ORC3: variants seen among roughly 807,000 people sequenced by gnomAD.
The protein encoded by ORC3 is origin recognition complex subunit 3, also known as homolog of latheo, Drosophila.
ORC3 carries 78 observed loss-of-function variants against 100.7 expected under a neutral mutation model. The ratio of observed to expected loss-of-function variants is 0.77; its 90% CI spans 0.65 to 0.94. ORC3 has a LOEUF of 0.94. Among genes scored for constraint, ORC3 ranks in the 40% least tolerant of loss-of-function variants. The pLI, the probability that ORC3 is intolerant of heterozygous loss-of-function variation, is 0.00. For synonymous variants in ORC3, 295 were observed against 289.3 expected (o/e 1.02, Z -0.20); for missense variants, 789 against 823.9 (o/e 0.96, Z 0.52).
chr6:87,640,241 T>C (rs948025931), intron 13 of ORC3, among the ~76,000 whole-genome samples: 3 of 152,208 alleles, frequency 2.0e-5, no homozygotes, highest in Non-Finnish European at 4.4e-5. Flanking sequence ...TGAAGAAATA[T>C]CTGGTGACCA....
In ORC3 at chr6:87,634,961, G is replaced by T; in HGVS notation, c.1302G>T (p.Gln434His). The stretch of plus-strand genomic sequence containing the variant: ...TTCCCAAGTATCCACTAGGTCGACA[G>T]GTAATCCAAGCCTCCTCATTTGTAA... ...SSLPKYPLGR[Q>H]IRELYCTCLE... is the part of the protein sequence containing the mutation. The change falls in exon 12 of 20, where the codon CAG (glutamine) becomes CAT (histidine). Residue 434 changes from glutamine (Q) to histidine (H), a missense_variant and splice_region_variant. This residue lies in a region of ORC3 where 366 missense variants were observed against 394.2 expected (regional missense o/e 0.93). Coordinates refer to ENST00000392844, the MANE Select transcript of ORC3 (RefSeq NM_012381.4). The T allele has an allele frequency of 7.2e-7, 1 of 1,393,902 alleles. No homozygotes were observed. Among genetic ancestry groups the T allele is most frequent in the South Asian group, 1.2e-5 (1 of 86,604 alleles). 86.3% of individuals were successfully genotyped at this position (1,393,902 alleles called of 1,614,324 possible).
intron 12 of ORC3, among the ~76,000 whole-genome samples, chr6:87,635,613 A>G (rs1184849765): frequency 6.6e-6 from 1 of 152,114 alleles, no homozygotes; most frequent in African/African-American, 2.4e-5. Context: ...CCTGGCCAAC[A>G]TGGTGAAACC....
intron 2 of ORC3, among the ~76,000 whole-genome samples, chr6:87,599,964 C>A (rs1438378202): frequency 2.0e-5 from 3 of 152,120 alleles, no homozygotes; most frequent in Non-Finnish European, 2.9e-5. Flanking sequence ...CAGAGCGAGA[C>A]CCTGTCTCAA....
intron 9 of ORC3, among the ~76,000 whole-genome samples, chr6:87,617,801 A>C (rs1019052828): frequency 6.6e-6 from 1 of 152,176 alleles, no homozygotes; most frequent in African/African-American, 2.4e-5. Context: ...TGGTGCAAAA[A>C]TTCAATTTGA....
At chr6:87,654,734 T>A (rs904081968) in intron 14 of ORC3, among the ~76,000 whole-genome samples, 1 of 152,232 alleles carries the variant, frequency 6.6e-6, no homozygotes, top group Non-Finnish European at 1.5e-5. Flanking sequence ...ATTTCAGTCT[T>A]TTACAAAATG....
At chr6:87,601,595 C>T (rs1417819173) in intron 2 of ORC3, among the ~76,000 whole-genome samples, 189 bp from the exon 3 acceptor site, 4 of 151,942 alleles carry the variant, frequency 2.6e-5, no homozygotes, top group Non-Finnish European at 5.9e-5. Context: ...TCACTTGAAC[C>T]TGGGAGGCGG....
downstream of ORC3, among the ~76,000 whole-genome samples, chr6:87,667,642 A>G (rs1393525063): frequency 6.6e-6 from 1 of 152,080 alleles, no homozygotes; most frequent in African/African-American, 2.4e-5. Context: ...AAGAAAAAAA[A>G]AAAAGGCCAG....
At position 87,653,240 on chromosome 6, in the gene ORC3, A is replaced by G; in HGVS notation, c.1507A>G (p.Ser503Gly). ...RIEEFLAQFQ[S>G]LDETKEEEDA... ...AGAGGAGTTCCTGGCCCAGTTTCAG[A>G]GCCTCGATGGTAAGAGTGTAATATC... is the stretch of plus-strand genomic sequence containing the variant. Residue 503 changes from serine (S) to glycine (G), a missense_variant, in exon 14 of 20, where the codon AGC becomes GGC. Transcript: ENST00000392844. 1.2e-6 allele frequency: 2 copies of G among 1,613,604 alleles called. No individual in the cohort carries two copies. Among genetic ancestry groups the G allele is most frequent in the Non-Finnish European group, 1.7e-6 (2 of 1,179,726 alleles).
chr6:87,594,997 T>G (rs367556863), intron 2 of ORC3, among the ~76,000 whole-genome samples: 2 of 152,218 alleles, frequency 1.3e-5, no homozygotes, highest in East Asian at 1.9e-4. Flanking sequence ...TTCCATTTTA[T>G]GAATAAACTT....
chr6:87,649,951 C>T (rs1226021826), intron 13 of ORC3, among the ~76,000 whole-genome samples: 1 of 151,116 alleles, frequency 6.6e-6, no homozygotes, highest in Non-Finnish European at 1.5e-5. Context: ...CCATTTTGAA[C>T]ATGGGCTTTT....
intron 11 of ORC3, among the ~76,000 whole-genome samples, chr6:87,630,581 G>C (rs925198019): frequency 6.6e-6 from 1 of 152,164 alleles, no homozygotes; most frequent in Admixed American, 6.6e-5. Context: ...CAGGGAGACA[G>C]ACAATAAATA....
the ORC3 span, chr6:87,676,070 T>A: frequency 6.1e-6 from 4 of 660,886 alleles, no homozygotes; most frequent in Admixed American, 1.3e-4. Flanking sequence ...TAATAGTGTA[T>A]CAAATAAAAA....
At chr6:87,605,806 TTAA>T (rs1778290921) in intron 4 of ORC3, 108 bp from the exon 5 acceptor site, 1 of 617,908 alleles carries the variant, frequency 1.6e-6, no homozygotes, top group Non-Finnish European at 2.9e-6. Flanking sequence ...GTTTCTGTTA[TTAA>T]TCATTTTTTA....
At chr6:87,639,825 C>CAAAAAA (rs548788316) in intron 13 of ORC3, among the ~76,000 whole-genome samples, 2 of 58,764 alleles carry the variant, frequency 3.4e-5, no homozygotes, top group South Asian at 7.5e-4. Flanking sequence ...GCCAAAAATA[C>CAAAAAA]AAAAAAAAAA....
At chr6:87,609,556 T>G (rs759194019) in intron 7 of ORC3, 3 of 172,440 alleles carry the variant, frequency 1.7e-5, no homozygotes, top group Non-Finnish European at 2.4e-5. Flanking sequence ...GTTTTTGTTT[T>G]TTTCTTTTTT....
intron 11 of ORC3, among the ~76,000 whole-genome samples, chr6:87,628,836 A>T (rs918422972): frequency 6.6e-6 from 1 of 151,410 alleles, no homozygotes; most frequent in African/African-American, 2.5e-5. Context: ...CAGGGCAGAC[A>T]GGGGGAAGAA....
intron 11 of ORC3, among the ~76,000 whole-genome samples, chr6:87,629,782 C>T (rs1227436280): frequency 2.6e-5 from 4 of 152,074 alleles, no homozygotes; most frequent in Non-Finnish European, 5.9e-5. Context: ...TTAGCTCTCA[C>T]GTATAAGTGA....
In ORC3 at chr6:87,616,326, A is replaced by C. The variant is rs768083776; in HGVS notation, c.886A>C (p.Thr296Pro). ...TTVLDKLLLTTQFPFKINEKV... is the reference protein window; with the variant it reads ...TTVLDKLLLTPQFPFKINEKV... The stretch of plus-strand genomic sequence containing the variant: ...TAATCTCTTTCAGCTACTTCTTACA[A>C]CTCAGTTTCCCTTTAAAATAAATGA... Residue 296 changes from threonine to proline, a missense_variant, in exon 9 of 20, where the codon ACT (threonine) becomes CCT (proline). Physicochemically the swap from Thr to Pro is conservative, Grantham distance 38. Transcript: ENST00000392844. The C allele has an allele frequency of 3.6e-6, 5 of 1,393,482 alleles. No individual in the cohort carries two copies. The highest frequency in any genetic ancestry group is 1.2e-5 in the South Asian group (1 of 86,120). The allele number at this position is 1,393,482 out of a possible 1,614,324, so 86.3% of individuals were successfully genotyped here. A position where few individuals can be genotyped will look rare whatever the true frequency, so the allele number is the denominator to read the frequency against.
chr6:87,603,835 A>G (rs542786102), intron 4 of ORC3, among the ~76,000 whole-genome samples: 4 of 152,238 alleles, frequency 2.6e-5, no homozygotes, highest in African/African-American at 7.2e-5. Context: ...TTACAAGAGT[A>G]TATGAGATTT....
Sources: allele counts gnomAD v4.1 joint callset (sites outside exome capture counted in the v4.1 genomes callset), GRCh38; gene constraint gnomAD v4.1.1; regional missense constraint gnomAD v4.1.1; transcripts MANE v1.5; gene names NCBI Gene and HGNC (gene_info 2026-07-23, HGNC 2026-07-21).